The following ARHGAP29 variants were observed in gnomAD, a reference collection of about 807,000 sequenced individuals.
ARHGAP29 encodes rho GTPase-activating protein 29.
A neutral mutation model predicts 122.6 loss-of-function variants in ARHGAP29; 43 were observed. That is an observed-to-expected ratio of 0.35 (90% CI 0.27 to 0.45). The LOEUF is 0.45. Among genes scored for constraint, ARHGAP29 ranks in the 20% least tolerant of loss-of-function variants. ARHGAP29 has a pLI of 1.00. For synonymous variants in ARHGAP29, 506 were observed against 497.1 expected (o/e 1.02, Z -0.24); for missense variants, 1,303 against 1,477.2 (o/e 0.88, Z 1.93).
At chr1:94,241,344 G>A (rs1051523073), upstream of ARHGAP29, among the ~76,000 whole-genome samples, 2 of 152,238 alleles carry the variant, frequency 1.3e-5, no homozygotes, top group South Asian at 2.1e-4. Context: ...AGCCAGGTGC[G>A]GTGGCTCACG....
rs142942933 is a variant in ARHGAP29, at chr1:94,255,352, C to T, written c.-33+19660G>A. Among the ~76,000 whole-genome samples the T allele has an allele frequency of 2.6e-5, 4 of 152,306 alleles. No individual in the cohort carries two copies. The East Asian group carries it at 5.8e-4, about 22-fold the overall frequency. On this transcript the variant is annotated intron_variant and NMD_transcript_variant, in intron 1 of 25. Transcript: ENST00000552844. Reference sequence around the variant, plus strand: ...TGACACCTTGATGTCAAACTTCTAGCCTCCAGAACTGTAAGAAAATGAATT... The same window carrying T: ...TGACACCTTGATGTCAAACTTCTAGTCTCCAGAACTGTAAGAAAATGAATT...
At chr1:94,233,056 C>T (rs1237845052) in intron 1 of ARHGAP29, among the ~76,000 whole-genome samples, 2 of 151,128 alleles carry the variant, frequency 1.3e-5, no homozygotes, top group Admixed American at 6.6e-5. Flanking sequence ...GCCATCTGCC[C>T]GCCAAAGCCA....
At chr1:94,202,308 A>C (rs1018869668) in intron 11 of ARHGAP29, 20 of 583,858 alleles carry the variant, frequency 3.4e-5, no homozygotes, top group African/African-American at 3.4e-4. Context: ...CAAACTCCAA[A>C]ATTCAGGTCT....
intron 1 of ARHGAP29, among the ~76,000 whole-genome samples, chr1:94,244,888 A>G (rs1159931372): frequency 2.0e-5 from 3 of 152,206 alleles, no homozygotes; most frequent in Non-Finnish European, 4.4e-5. Context: ...AGGAACTCTT[A>G]CAATTCAATA....
rs142750076 is a variant in ARHGAP29 at position 94,189,328 on chromosome 1, A to G, written c.1464T>C (p.Ser488=). The G allele has an allele frequency of 2.5e-6, 4 of 1,611,740 alleles. No homozygotes were observed. Among genetic ancestry groups the G allele is most frequent in the Non-Finnish European group, 3.4e-6 (4 of 1,179,050 alleles). The change falls in exon 14 of 23, where the codon AGT becomes AGC. Residue 488 remains serine (S), a synonymous_variant. Transcript: ENST00000260526. The stretch of plus-strand genomic sequence containing the variant: ...CAGGTCCAAATCCTGAAGGTTGGGA[A>G]CTATTTAAATGTTTATTTACATTTC... ...VDGNVNKHLN[S]SQPSGFGPAN...
intron 1 of ARHGAP29, among the ~76,000 whole-genome samples, chr1:94,268,612 G>A (rs1006353388): frequency 6.6e-6 from 1 of 152,170 alleles, no homozygotes; most frequent in African/African-American, 2.4e-5. Flanking sequence ...TAAGAGTTCA[G>A]TAAGTACAAT....
the ARHGAP29 span, among the ~76,000 whole-genome samples, chr1:94,305,169 C>T: frequency 6.6e-6 from 1 of 152,186 alleles, no homozygotes. Context: ...TGTCCCTCAC[C>T]TCCAGCCCCT....
intron 3 of ARHGAP29, among the ~76,000 whole-genome samples, chr1:94,211,342 C>A (rs1219811189): frequency 1.5e-5 from 2 of 136,510 alleles, no homozygotes; most frequent in African/African-American, 5.3e-5. Context: ...TATTTATGTA[C>A]CTAATAAACA....
chr1:94,287,646 C>CT, the ARHGAP29 span, among the ~76,000 whole-genome samples: 1 of 151,958 alleles, frequency 6.6e-6, no homozygotes, highest in Non-Finnish European at 1.5e-5. Flanking sequence ...AATGCTATCC[C>CT]CCCCAGCTCC....
At chr1:94,279,796 C>G (rs1035172570), upstream of ARHGAP29, among the ~76,000 whole-genome samples, 1 of 152,212 alleles carries the variant, frequency 6.6e-6, no homozygotes, top group African/African-American at 2.4e-5. Flanking sequence ...TGGGCTTTCA[C>G]TATACCTTGA....
At chr1:94,253,595 T>G (rs1654201386) in intron 1 of ARHGAP29, among the ~76,000 whole-genome samples, 2 of 152,098 alleles carry the variant, frequency 1.3e-5, no homozygotes, top group Admixed American at 1.3e-4. Flanking sequence ...GAGCTTGGGT[T>G]GCTCTTGAAG....
chr1:94,244,800 G>A (rs1249256554), intron 1 of ARHGAP29, among the ~76,000 whole-genome samples: 1 of 151,986 alleles, frequency 6.6e-6, no homozygotes, highest in East Asian at 1.9e-4. Flanking sequence ...TCTGCTCTTT[G>A]AGAGACAGTG....
chr1:94,253,312 C>T (rs79425559), intron 1 of ARHGAP29, among the ~76,000 whole-genome samples: 6 of 152,054 alleles, frequency 3.9e-5, no homozygotes, highest in African/African-American at 7.2e-5. Context: ...CAGCTTTCCC[C>T]GGGCTTACAG....
chr1:94,312,734 T>C, the ARHGAP29 span, among the ~76,000 whole-genome samples: 1 of 152,156 alleles, frequency 6.6e-6, no homozygotes, highest in Non-Finnish European at 1.5e-5. Context: ...ACCCTGGTCC[T>C]GCCTGGCCCC....
chr1:94,174,832 A>G, intron 22 of ARHGAP29, 83 bp from the exon 23 acceptor site: 2 of 1,397,620 alleles, frequency 1.4e-6, no homozygotes, highest in Non-Finnish European at 2.0e-6. Flanking sequence ...ACACTCTATC[A>G]AGACAATATG....
chr1:94,300,732 T>C, the ARHGAP29 span, among the ~76,000 whole-genome samples: 1 of 152,224 alleles, frequency 6.6e-6, no homozygotes, highest in Admixed American at 6.5e-5. Flanking sequence ...TCTTAGCACC[T>C]GGCATAATAC....
chr1:94,249,847 T>C (rs1048868675), intron 1 of ARHGAP29, among the ~76,000 whole-genome samples: 15 of 152,190 alleles, frequency 9.9e-5, no homozygotes, highest in African/African-American at 3.6e-4. Flanking sequence ...GGTGCCATGG[T>C]TTTTGGCAGT....
intron 6 of ARHGAP29, 21 bp from the exon 7 acceptor site, chr1:94,205,219 GT>G (rs556499887): frequency 2.8e-4 from 435 of 1,553,052 alleles, no homozygotes; most frequent in Middle Eastern, 2.7e-3. Context: ...AAATATCAAG[GT>G]AAGTATATGT....
chr1:94,179,900 CT>C lies in ARHGAP29; in HGVS notation c.2304del (p.Glu769ArgfsTer5), dbSNP rs1557839731. On this transcript the variant is annotated frameshift_variant, in exon 20 of 23. Coordinates refer to ENST00000260526, the MANE Select transcript of ARHGAP29 (RefSeq NM_004815.4). LOFTEE classifies it high-confidence loss of function. The part of the protein sequence containing the change: ...RLYKEFIDLA[K>X]EIQHVNEEQE... The stretch of plus-strand genomic sequence containing the variant: ...TGTTCTTCATTTACATGTTGGATCT[CT>C]TTTGCAAGGTCTATAAATTCCTTGT... 1 of 1,612,828 alleles carries C rather than the reference CT, an allele frequency of 6.2e-7. No homozygotes were observed. The highest frequency in any genetic ancestry group is 8.5e-7 in the Non-Finnish European group (1 of 1,179,622).
Sources: allele counts gnomAD v4.1 joint callset (sites outside exome capture counted in the v4.1 genomes callset), GRCh38; gene constraint gnomAD v4.1.1; transcripts MANE v1.5; gene names NCBI Gene and HGNC (gene_info 2026-07-23, HGNC 2026-07-21).